The following PLEKHG1 variants were observed in gnomAD, a reference collection of about 807,000 sequenced individuals.
PLEKHG1 encodes pleckstrin homology and RhoGEF domain containing G1.
A neutral mutation model predicts 100.8 loss-of-function variants in PLEKHG1; 44 were observed. The observed-to-expected ratio is 0.44, with a 90% confidence interval of 0.34 to 0.56. The LOEUF (loss-of-function observed/expected upper bound fraction) is 0.56. PLEKHG1 is among the 20% of genes least tolerant of loss of function. PLEKHG1 has a pLI of 0.01. For missense variants in PLEKHG1, 1,545 were observed against 1,720.9 expected, an observed-to-expected ratio of 0.90 and a Z score of 1.81; for synonymous variants, 640 against 662.5, an observed-to-expected ratio of 0.97 and a Z score of 0.52.
intron 1 of PLEKHG1, among the ~76,000 whole-genome samples, chr6:150,623,422 T>C (rs1254194293): frequency 6.6e-6 from 1 of 152,188 alleles, no homozygotes; most frequent in Non-Finnish European, 1.5e-5. Flanking sequence ...AAATAACAAA[T>C]GTCGCATGCC....
intron 2 of PLEKHG1, among the ~76,000 whole-genome samples, chr6:150,734,723 C>G (rs1280175056): frequency 1.3e-5 from 2 of 152,092 alleles, no homozygotes; most frequent in Non-Finnish European, 2.9e-5. Context: ...CTCGTGTCTC[C>G]TTTCTGTTCA....
At chr6:150,749,844 T>C (rs1583052365) in intron 2 of PLEKHG1, among the ~76,000 whole-genome samples, 1 of 152,058 alleles carries the variant, frequency 6.6e-6, no homozygotes, top group African/African-American at 2.4e-5. Context: ...GAGGCCAGGG[T>C]GGGTGGATCA....
rs915643058 is a variant in PLEKHG1, at chr6:150,690,314, C to T, written c.-99+39528C>T. ...GTGGGATCCTGGTGCGCCCATCACC[C>T]AAGCAGCATACACTGCACCACATCT... On this transcript the variant is annotated intron_variant, in intron 3 of 3. Coordinates refer to the PLEKHG1 transcript ENST00000367326. 6.5e-4 allele frequency among the ~76,000 whole-genome samples: 98 copies of T among 151,900 alleles called. 2 individuals are homozygous for T. Among genetic ancestry groups the T allele is most frequent in the Non-Finnish European group, 2.1e-4 (14 of 68,006 alleles).
intron 14 of PLEKHG1, among the ~76,000 whole-genome samples, chr6:150,826,261 C>T (rs1045313010): frequency 1.9e-4 from 29 of 152,100 alleles, no homozygotes; most frequent in African/African-American, 6.8e-4. Flanking sequence ...AGTTCACGAT[C>T]AGCCTGGCCA....
At chr6:150,608,438 GTATT>G (rs950715627) in intron 1 of PLEKHG1, among the ~76,000 whole-genome samples, 84 of 152,220 alleles carry the variant, frequency 5.5e-4, no homozygotes, top group Non-Finnish European at 4.4e-5. Context: ...GAGTGAACAG[GTATT>G]TATTCTTCTT....
chr6:150,641,876 C>CAAAAAAAAAAAAAAAAA (rs71554473), intron 2 of PLEKHG1, among the ~76,000 whole-genome samples: 2 of 76,794 alleles, frequency 2.6e-5, no homozygotes, highest in Admixed American at 2.2e-4. Flanking sequence ...TGTGAAAAGG[C>CAAAAAAAAAAAAAAAAA]AAAAAAAAAA....
At chr6:150,750,090 C>T (rs1324463073) in intron 2 of PLEKHG1, among the ~76,000 whole-genome samples, 1 of 139,396 alleles carries the variant, frequency 7.2e-6, no homozygotes, top group African/African-American at 3.0e-5. Flanking sequence ...AAGAAAATAT[C>T]TACTAGAAGA....
intron 1 of PLEKHG1, among the ~76,000 whole-genome samples, chr6:150,636,426 A>G (rs934579015): frequency 5.3e-5 from 8 of 152,054 alleles, no homozygotes; most frequent in Admixed American, 3.3e-4. Flanking sequence ...TGTGGTGGCA[A>G]TGTGGAATAT....
At chr6:150,607,783 G>A (rs1257950789) in intron 1 of PLEKHG1, among the ~76,000 whole-genome samples, 1 of 152,146 alleles carries the variant, frequency 6.6e-6, no homozygotes, top group Non-Finnish European at 1.5e-5. Flanking sequence ...GCGAGGGTGG[G>A]GCTGCCAGGG....
At chr6:150,759,922 G>A (rs1321316277) in intron 2 of PLEKHG1, among the ~76,000 whole-genome samples, 2 of 152,102 alleles carry the variant, frequency 1.3e-5, no homozygotes, top group Non-Finnish European at 2.9e-5. Context: ...GCTTAAGGCA[G>A]GATTTCCAGG....
chr6:150,601,455 C>T (rs1272574719), intron 1 of PLEKHG1, among the ~76,000 whole-genome samples: 3 of 152,118 alleles, frequency 2.0e-5, no homozygotes, highest in African/African-American at 7.2e-5. Flanking sequence ...CCTCATCCCC[C>T]TCCCAAACCC....
intron 6 of PLEKHG1, among the ~76,000 whole-genome samples, chr6:150,804,223 G>T (rs568870828): frequency 9.6e-6 from 1 of 104,356 alleles, no homozygotes; most frequent in East Asian, 3.1e-4. Flanking sequence ...GTCTCACTCT[G>T]TCAGCCAGGC....
intron 4 of PLEKHG1, among the ~76,000 whole-genome samples, chr6:150,787,596 T>C (rs1336608160): frequency 6.6e-6 from 1 of 152,190 alleles, no homozygotes; most frequent in African/African-American, 2.4e-5. Context: ...TGAGACCCAC[T>C]GGGAATTAGC....
intron 1 of PLEKHG1, among the ~76,000 whole-genome samples, chr6:150,615,081 C>A (rs1777010327): frequency 6.6e-6 from 1 of 152,148 alleles, no homozygotes; most frequent in African/African-American, 2.4e-5. Context: ...ATTTCAAGGT[C>A]ACAAGTAGTC....
intron 3 of PLEKHG1, among the ~76,000 whole-genome samples, chr6:150,695,899 TAG>T (rs1780525915): frequency 1.3e-5 from 2 of 152,128 alleles, no homozygotes; most frequent in Admixed American, 1.3e-4. Context: ...AATGACTAAG[TAG>T]ATGTTGTTAA....
exon 16 of PLEKHG1, chr6:150,842,292 C>T (rs1390749186): frequency 2.0e-5 from 3 of 152,196 alleles, no homozygotes; most frequent in Non-Finnish European, 4.4e-5. Flanking sequence ...GGTGTACATT[C>T]TATGGCCTCT....
At chr6:150,769,589 A>AG (rs1784611812) in intron 3 of PLEKHG1, among the ~76,000 whole-genome samples, 2 of 150,582 alleles carry the variant, frequency 1.3e-5, no homozygotes, top group African/African-American at 4.9e-5. Context: ...CATCTCAAAA[A>AG]AAAAAAAAAA....
chr6:150,675,182 A>G (rs1473001690), intron 3 of PLEKHG1, among the ~76,000 whole-genome samples: 2 of 151,880 alleles, frequency 1.3e-5, no homozygotes, highest in African/African-American at 4.8e-5. Flanking sequence ...GAACACGATC[A>G]TTTTTCCTAT....
At chr6:150,760,612 T>A (rs986210061) in intron 2 of PLEKHG1, among the ~76,000 whole-genome samples, 2 of 150,090 alleles carry the variant, frequency 1.3e-5, no homozygotes, top group East Asian at 2.0e-4. Flanking sequence ...CAACAGCACA[T>A]AGATTATTTC....
Sources: allele counts gnomAD v4.1 joint callset (sites outside exome capture counted in the v4.1 genomes callset), GRCh38; gene constraint gnomAD v4.1.1; transcripts MANE v1.5; gene names NCBI Gene and HGNC (gene_info 2026-07-23, HGNC 2026-07-21).